PDXDC1: variants seen among roughly 807,000 people sequenced by gnomAD.
PDXDC1 encodes the protein pyridoxal-dependent decarboxylase domain-containing protein 1.
A neutral mutation model predicts 100.1 loss-of-function variants in PDXDC1; 42 were observed. The observed-to-expected ratio is 0.42, with a 90% CI of 0.33 to 0.54. The LOEUF (loss-of-function observed/expected upper bound fraction) is 0.54. Ranked by LOEUF, PDXDC1 falls within the 20% of genes least tolerant of loss-of-function variation. PDXDC1 has a pLI of 0.10. For synonymous variants in PDXDC1, 260 were observed against 371.7 expected (o/e 0.70, Z 3.46); for missense variants, 636 against 979.2 (o/e 0.65, Z 4.68).
At chr16:15,043,256 G>T (rs1282885989), downstream of PDXDC1, among the ~76,000 whole-genome samples, 5 of 151,994 alleles carry the variant, frequency 3.3e-5, no homozygotes, top group African/African-American at 1.2e-4. Context: ...GGCTGGTGTC[G>T]AACTCCTGAC....
At chr16:15,056,871 G>A (rs536211500) in intron 16 of PDXDC1, among the ~76,000 whole-genome samples, 2 of 152,198 alleles carry the variant, frequency 1.3e-5, no homozygotes, top group South Asian at 2.1e-4. Context: ...CGATTAACAC[G>A]TCGTGATTGG....
At chr16:15,072,770 AAAAG>A (rs2045290993) in intron 16 of PDXDC1, among the ~76,000 whole-genome samples, 1 of 152,192 alleles carries the variant, frequency 6.6e-6, no homozygotes, top group Admixed American at 6.5e-5. Flanking sequence ...TGTGTCTCAA[AAAAG>A]AAAGGAAAAG....
At chr16:15,083,633 G>A (rs1291776812) in intron 16 of PDXDC1, 1 of 1,573,224 alleles carries the variant, frequency 6.4e-7, no homozygotes, top group African/African-American at 1.4e-5. Context: ...TTCTAGAAAA[G>A]GAATAAAAAG....
At chr16:14,998,474 G>T in intron 3 of PDXDC1, 69 bp downstream of exon 3, 3 of 1,531,068 alleles carry the variant, frequency 2.0e-6, no homozygotes, top group Non-Finnish European at 8.9e-7. Flanking sequence ...AGATGGAGTC[G>T]TGCTCTGTTG....
At chr16:15,047,355 G>A in intron 16 of PDXDC1, 1 of 871,720 alleles carries the variant, frequency 1.1e-6, no homozygotes, top group Non-Finnish European at 1.9e-6. Context: ...GTGGCATCCT[G>A]TGTTCCCCTA....
intron 16 of PDXDC1, chr16:15,125,126 G>A (rs1275315984): frequency 9.4e-6 from 4 of 426,490 alleles, no homozygotes; most frequent in African/African-American, 7.8e-5. Flanking sequence ...CAGCCTGGGT[G>A]ACAGAATGGA....
chr16:15,038,493 C>G (rs1280389025), downstream of PDXDC1: 10 of 806,022 alleles, frequency 1.2e-5, no homozygotes, highest in Admixed American at 2.4e-4. Flanking sequence ...CAGCTATGAC[C>G]TGGTCTAAAC....
At chr16:15,133,616 C>G in intron 16 of PDXDC1, 1 of 1,242,502 alleles carries the variant, frequency 8.0e-7, no homozygotes, top group South Asian at 1.2e-5. Context: ...CTTGTAGACA[C>G]AGAACTCCTC....
In PDXDC1 at chr16:15,026,644, T is replaced by G. The variant is rs150474711; in HGVS notation, c.1142T>G (p.Val381Gly). The G allele has an allele frequency of 2.1e-4, 342 of 1,612,856 alleles. No homozygotes were observed. The highest frequency in any genetic ancestry group is 1.4e-3 in the Admixed American group (82 of 59,944). The change falls in exon 14 of 23, where the codon GTG (valine) becomes GGG (glycine). Residue 381 changes from valine to glycine, a missense_variant and splice_region_variant. Around this residue, in one of 4 missense-constraint regions of PDXDC1, gnomAD observed 125 missense variants for 479.9 expected, o/e 0.26. Transcript: ENST00000396410. ...LKKVNYIKIL[V>G]EDELSSPVVV... is the part of the protein sequence containing the mutation. ...GATATGAGACTTCCATTCTTCCAGG[T>G]GGAAGATGAGCTCAGCTCCCCAGTG...
In PDXDC1 at chr16:15,036,140, C is replaced by T. The variant is rs748794793; in HGVS notation, c.2232C>T (p.Leu744=). The T allele has an allele frequency of 9.9e-6, 16 of 1,614,006 alleles. No homozygotes were observed. Among genetic ancestry groups the T allele is most frequent in the East Asian group, 2.2e-5 (1 of 44,886 alleles). The change falls in exon 23 of 23, where the codon CTC becomes CTT. Residue 744 remains leucine (L), a synonymous_variant. Coordinates refer to ENST00000396410, the MANE Select transcript of PDXDC1 (RefSeq NM_015027.4). ...CCAGTGGGCCGGAGCAGATCACCCTCGAGGCCAGCAGCACTGAGGGACACC... is the reference window on the plus strand; with the variant it reads ...CCAGTGGGCCGGAGCAGATCACCCTTGAGGCCAGCAGCACTGAGGGACACC... ...RLSSGPEQIT[L]EASSTEGHPG...
chr16:15,019,984 C>T (rs1190838092), intron 12 of PDXDC1, among the ~76,000 whole-genome samples: 34 of 152,274 alleles, frequency 2.2e-4, no homozygotes, highest in Middle Eastern at 3.4e-3. Flanking sequence ...TGGTGGCGGG[C>T]GCCTGTAGTC....
chr16:15,035,440 C>T lies in PDXDC1; in HGVS notation c.2003-9C>T, dbSNP rs1448992913. 6.3e-7 allele frequency: 1 copy of T among 1,581,058 alleles called. No individual in the cohort carries two copies. Among genetic ancestry groups the T allele is most frequent in the Middle Eastern group, 2.1e-4 (1 of 4,772 alleles). On this transcript the variant is annotated splice_polypyrimidine_tract_variant and intron_variant, in intron 21 of 22. Coordinates refer to ENST00000396410, the MANE Select transcript of PDXDC1 (RefSeq NM_015027.4). ...TGTAGCTTCTACCCAGCCCTCTCCT[C>T]TCCCGCAGGCTCTCTGGAGTCCACA...
At chr16:15,039,256 G>C (rs1597746808), downstream of PDXDC1, among the ~76,000 whole-genome samples, 1 of 152,126 alleles carries the variant, frequency 6.6e-6, no homozygotes, top group African/African-American at 2.4e-5. Flanking sequence ...AACTAAACTA[G>C]GCCTGTTACA....
At chr16:15,133,243 C>A (rs1038522475) in intron 16 of PDXDC1, 64 of 1,470,252 alleles carry the variant, frequency 4.4e-5, no homozygotes, top group Middle Eastern at 4.7e-4. Flanking sequence ...GATGTGAGGT[C>A]CCCTGCCAGG....
chr16:15,047,361 C>T (rs2044116556), intron 16 of PDXDC1: 3 of 920,240 alleles, frequency 3.3e-6, no homozygotes, highest in Non-Finnish European at 3.6e-6. Flanking sequence ...TCCTGTGTTC[C>T]CCTAACAGCT....
Position 15,038,133 on chromosome 16 carries a change from T to G in PDXDC1, c.*1858T>G. 1 of 1,612,680 alleles carries G rather than the reference T, an allele frequency of 6.2e-7. No homozygotes were observed. The highest frequency in any genetic ancestry group is 1.3e-5 in the African/African-American group (1 of 74,982). On this transcript the variant is annotated 3_prime_UTR_variant, in exon 23 of 23. Coordinates refer to ENST00000396410, the MANE Select transcript of PDXDC1 (RefSeq NM_015027.4). ...ACAGTGTGTGAGCTGGAGATGGGTG[T>G]TTTTTTAAAAACATCAAGGTAGATC... is the stretch of plus-strand genomic sequence containing the variant.
chr16:15,141,178 C>G (rs1392750628), downstream of PDXDC1, among the ~76,000 whole-genome samples: 8 of 152,320 alleles, frequency 5.3e-5, no homozygotes, highest in South Asian at 2.1e-4. Flanking sequence ...CCAGCCAGCC[C>G]TGCTCCTCCC....
At chr16:15,141,048 C>A (rs1442073529), downstream of PDXDC1, among the ~76,000 whole-genome samples, 2 of 149,658 alleles carry the variant, frequency 1.3e-5, no homozygotes. Context: ...CAGCCCCTAC[C>A]GGCCTCCATC....
chr16:15,148,863 T>C, the PDXDC1 span, among the ~76,000 whole-genome samples: 1 of 152,102 alleles, frequency 6.6e-6, no homozygotes, highest in Non-Finnish European at 1.5e-5. Context: ...TCCCCATCCC[T>C]TCCCCCACCC....
Sources: allele counts gnomAD v4.1 joint callset (sites outside exome capture counted in the v4.1 genomes callset), GRCh38; gene constraint gnomAD v4.1.1; regional missense constraint gnomAD v4.1.1; transcripts MANE v1.5; gene names NCBI Gene and HGNC (gene_info 2026-07-23, HGNC 2026-07-21).